Variants in WAS observed in about 807,000 individuals in gnomAD.
WAS encodes WASP actin nucleation promoting factor.
A neutral mutation model predicts 38.9 loss-of-function variants in WAS; 1 was observed. The ratio of observed to expected loss-of-function variants is 0.03; its 90% CI spans 0.01 to 0.12. The LOEUF is 0.12. Among genes scored for constraint, WAS ranks in the 10% least tolerant of loss-of-function variants. The probability of loss-of-function intolerance (pLI) is 1.00; values close to 1 mark genes in which losing one functional copy is unlikely to be tolerated. For synonymous variants in WAS, 182 were observed against 173.6 expected (o/e 1.05, Z -0.38); for missense variants, 311 against 431.2 (o/e 0.72, Z 2.47).
At chrX:48,686,260 C>T (rs2062419649) in intron 6 of WAS, 126 bp downstream of exon 6, 5 of 831,709 alleles carry the variant, frequency 6.0e-6, no homozygotes, top group East Asian at 3.4e-5. Context: ...GATGGACGAG[C>T]AGGTGCATGG....
rs782199885 is a variant in WAS at position 48,684,512 on chromosome X, C to T, written c.273+89C>T. The T allele has an allele frequency of 8.2e-5, 88 of 1,077,908 alleles. No homozygotes were observed. In the African/African-American group the frequency reaches 1.5e-3, roughly 18 times the overall value. 88.8% of individuals were successfully genotyped at this position (1,077,908 alleles called of 1,213,427 possible). A position where few individuals can be genotyped will look rare whatever the true frequency, so the allele number is the denominator to read the frequency against. On this transcript the variant is annotated intron_variant, in intron 2 of 11. Transcript: ENST00000376701. ...TCCATATGTGTCCATAGCTTCAAGA[C>T]CTCAGACCTGATCAGTGAATCCCTG... is the stretch of plus-strand genomic sequence containing the variant.
chrX:48,682,085 T>C (rs1178203149), upstream of WAS, among the ~76,000 whole-genome samples: 3 of 112,015 alleles, frequency 2.7e-5, no homozygotes, highest in East Asian at 8.4e-4. Flanking sequence ...TAGTCTGGCA[T>C]CATCTGGAGA....
intron 2 of WAS, 21 bp downstream of exon 2, chrX:48,684,444 TG>T (rs781844097): frequency 8.4e-7 from 1 of 1,195,288 alleles, no homozygotes; most frequent in Admixed American, 2.2e-5. Flanking sequence ...CACCCCCGAC[TG>T]GACTTGCAAG....
At chrX:48,684,956 C>G (rs2062414525) in intron 2 of WAS, among the ~76,000 whole-genome samples, 1 of 111,368 alleles carries the variant, frequency 9.0e-6, no homozygotes, top group Non-Finnish European at 1.9e-5. Flanking sequence ...AAAGTCTTTT[C>G]CACAATCCCC....
rs781902189 is a variant in WAS, at chrX:48,683,999, C to G, written c.132+14C>G. The stretch of plus-strand genomic sequence containing the variant: ...CGAAAATGCTTGGTGAGCTGGGGAT[C>G]TCCTGCCCCCGCCCCGTCCCCACCG... On this transcript the variant is annotated intron_variant, in intron 1 of 11. Transcript: ENST00000376701. 6 of 1,210,895 alleles carry G rather than the reference C, an allele frequency of 5.0e-6. No homozygotes were observed. The Admixed American group carries it at 1.1e-4, about 22-fold the overall frequency.
At chrX:48,687,184 G>A (rs1208543843) in intron 7 of WAS, among the ~76,000 whole-genome samples, 2 of 111,557 alleles carry the variant, frequency 1.8e-5, no homozygotes, top group Non-Finnish European at 3.8e-5. Context: ...GCATGCAACT[G>A]TAATTCCTGA....
intron 11 of WAS, chrX:48,689,723 G>A (rs1353736547): frequency 6.3e-6 from 2 of 316,132 alleles, no homozygotes; most frequent in East Asian, 6.5e-5. Flanking sequence ...TGGCCGGCGC[G>A]GTGGCTCATG....
intron 11 of WAS, 37 bp downstream of exon 11, chrX:48,689,471 C>A (rs2062432965): frequency 8.9e-7 from 1 of 1,129,079 alleles, no homozygotes; most frequent in South Asian, 1.9e-5. Flanking sequence ...ACCTGGCTCC[C>A]AGGGCTAGCA....
Position 48,689,078 on chromosome X carries a change from C to G in WAS, c.1338+12C>G. The G allele has an allele frequency of 8.4e-7, 1 of 1,194,498 alleles. No individual in the cohort carries two copies. Among genetic ancestry groups the G allele is most frequent in the Non-Finnish European group, 1.1e-6 (1 of 888,437 alleles). Reference sequence around the variant, plus strand: ...TTCAGCTGAACAAGGTGAGGACAGGCAGGATGGAGGATTGGGGGTCTAGGA... The same window carrying G: ...TTCAGCTGAACAAGGTGAGGACAGGGAGGATGGAGGATTGGGGGTCTAGGA... On this transcript the variant is annotated intron_variant, in intron 10 of 11. Coordinates refer to ENST00000376701, the MANE Select transcript of WAS (RefSeq NM_000377.3).
upstream of WAS, among the ~76,000 whole-genome samples, chrX:48,679,312 C>T (rs1173332602): frequency 1.8e-5 from 2 of 111,719 alleles, no homozygotes; most frequent in Non-Finnish European, 3.8e-5. Context: ...GGTGAGCCAC[C>T]ACGCCCAGCC....
chrX:48,684,654 G>A (rs2062413843), intron 2 of WAS, among the ~76,000 whole-genome samples: 1 of 111,739 alleles, frequency 8.9e-6, no homozygotes. Flanking sequence ...TTAGTCTGCT[G>A]CCTAAGCCTA....
chrX:48,679,193 A>T (rs951908765), upstream of WAS, among the ~76,000 whole-genome samples: 3 of 109,692 alleles, frequency 2.7e-5, no homozygotes, highest in Non-Finnish European at 3.8e-5. Context: ...GCTAATTTTT[A>T]AAAAACTTTT....
chrX:48,688,060 C>T lies in WAS; in HGVS notation c.741C>T (p.Val247=). ...GTCTCTTCACCTCTCCCAGGCATGT[C>T]AGCCACGTGGGGTGGGACCCCCAGA... The part of the protein sequence containing the change: ...DIGAPSGFKH[V]SHVGWDPQNG... Residue 247 remains valine, a synonymous_variant, in exon 8 of 12, where the codon GTC becomes GTT. Transcript: ENST00000376701. The T allele has an allele frequency of 8.3e-7, 1 of 1,207,332 alleles. No individual in the cohort carries two copies. The highest frequency in any genetic ancestry group is 1.1e-6 in the Non-Finnish European group (1 of 893,235).
intron 8 of WAS, 41 bp downstream of exon 8, chrX:48,688,137 AC>A: frequency 1.7e-6 from 2 of 1,180,696 alleles, no homozygotes; most frequent in South Asian, 3.7e-5. Context: ...CTAAACTTCC[AC>A]CCACCCTTCC....
At chrX:48,691,064 C>T in intron 11 of WAS, 43 bp from the exon 12 acceptor site, 2 of 1,186,733 alleles carry the variant, frequency 1.7e-6, no homozygotes, top group Non-Finnish European at 2.3e-6. Context: ...ATGAAGCCCC[C>T]CACCAACCTC....
Position 48,683,874 on chromosome X carries a change from A to T in WAS, c.21A>T (p.Gly7=). The T allele has an allele frequency of 8.3e-7, 1 of 1,211,479 alleles. No homozygotes were observed. Among genetic ancestry groups the T allele is most frequent in the Non-Finnish European group, 1.1e-6 (1 of 895,340 alleles). Residue 7 remains glycine (G), a synonymous_variant, in exon 1 of 12, where the codon GGA becomes GGT. Coordinates refer to ENST00000376701, the MANE Select transcript of WAS (RefSeq NM_000377.3). MSGGPM[G]GRPGGRGAPA... ...GCACCATGAGTGGGGGCCCAATGGGAGGAAGGCCCGGGGGCCGAGGAGCAC... is the reference window on the plus strand; with the variant it reads ...GCACCATGAGTGGGGGCCCAATGGGTGGAAGGCCCGGGGGCCGAGGAGCAC...
rs782114028 is a variant in WAS at position 48,685,694 on chromosome X, C to T, written c.361-40C>T. The T allele has an allele frequency of 5.1e-6, 6 of 1,168,723 alleles. No homozygotes were observed. In the African/African-American group the frequency reaches 5.4e-5, roughly 10 times the overall value. On this transcript the variant is annotated intron_variant, in intron 3 of 11. Coordinates refer to ENST00000376701, the MANE Select transcript of WAS (RefSeq NM_000377.3). ...GTGTGGAGAGGAGATGGGAAAGTTG[C>T]GGGGGACCTGGGAGGCGGCTGACCC...
At chrX:48,682,321 T>C (rs1161621154), upstream of WAS, among the ~76,000 whole-genome samples, 2 of 111,832 alleles carry the variant, frequency 1.8e-5, no homozygotes, top group South Asian at 3.7e-4. Context: ...GCTACCACTA[T>C]AGGCAAACAG....
chrX:48,678,410 C>T (rs1488605326), intron 1 of WAS, among the ~76,000 whole-genome samples: 7 of 111,537 alleles, frequency 6.3e-5, no homozygotes, highest in African/African-American at 2.3e-4. Flanking sequence ...CCCCCCATGT[C>T]TTATTACCTA....
Sources: allele counts gnomAD v4.1 joint callset (sites outside exome capture counted in the v4.1 genomes callset), GRCh38; gene constraint gnomAD v4.1.1; transcripts MANE v1.5; gene names NCBI Gene and HGNC (gene_info 2026-07-23, HGNC 2026-07-21).